PDGFRL: variants seen among roughly 807,000 people sequenced by gnomAD.
The protein encoded by PDGFRL is platelet derived growth factor receptor like.
A neutral mutation model predicts 37.2 loss-of-function variants in PDGFRL; 46 were observed. The observed-to-expected ratio is 1.24, with a 90% CI of 0.98 to 1.58. PDGFRL has a LOEUF of 1.58. PDGFRL is among the 40% of genes most tolerant of loss of function. PDGFRL has a pLI of 0.00. For missense variants in PDGFRL, 692 were observed against 467.6 expected (o/e 1.48, Z -4.43); for synonymous variants, 251 against 184.3 (o/e 1.36, Z -2.93).
At chr8:17,612,939 T>C (rs1386885061) in intron 2 of PDGFRL, among the ~76,000 whole-genome samples, 1 of 152,212 alleles carries the variant, frequency 6.6e-6, no homozygotes, top group African/African-American at 2.4e-5. Flanking sequence ...GATTAACTTT[T>C]CCCGTAATCT....
At chr8:17,582,196 T>C (rs1247833591) in intron 1 of PDGFRL, among the ~76,000 whole-genome samples, 1 of 152,116 alleles carries the variant, frequency 6.6e-6, no homozygotes, top group East Asian at 1.9e-4. Context: ...CCCTAGGGAT[T>C]TTGGAAGGCC....
chr8:17,616,321 A>G (rs1461092373), intron 2 of PDGFRL, among the ~76,000 whole-genome samples: 3 of 152,050 alleles, frequency 2.0e-5, no homozygotes, highest in Admixed American at 6.6e-5. Flanking sequence ...CAGCCTCCCC[A>G]GTAGCTGGGA....
intron 4 of PDGFRL, among the ~76,000 whole-genome samples, chr8:17,632,742 C>T (rs1271767105): frequency 1.3e-5 from 2 of 152,096 alleles, no homozygotes; most frequent in South Asian, 2.1e-4. Flanking sequence ...CTCTGTCCTC[C>T]TCCCCATCCA....
intron 5 of PDGFRL, among the ~76,000 whole-genome samples, chr8:17,641,232 C>G (rs1805085640): frequency 6.6e-6 from 1 of 152,204 alleles, no homozygotes; most frequent in African/African-American, 2.4e-5. Context: ...TTTCAGATTT[C>G]ACATCTCCTA....
chr8:17,583,898 T>C (rs1341093670), intron 1 of PDGFRL, among the ~76,000 whole-genome samples: 1 of 152,142 alleles, frequency 6.6e-6, no homozygotes, highest in East Asian at 1.9e-4. Context: ...AGATGCCCAG[T>C]CTTGAATCTT....
In PDGFRL at chr8:17,596,387, C is replaced by T. The variant is rs1461852319; in HGVS notation, c.353+6622C>T. ...AGGACCGGCCCTGCCTCCAATACCA[C>T]GTACATTTTAAACGACCTTATTCAC... is the stretch of plus-strand genomic sequence containing the variant. On this transcript the variant is annotated intron_variant, in intron 2 of 5. Transcript: ENST00000251630. The T allele has an allele frequency of 3.8e-5, 41 of 1,074,410 alleles. No homozygotes were observed. In the Admixed American group the frequency reaches 1.0e-3, roughly 27 times the overall value. 66.6% of individuals were successfully genotyped at this position (1,074,410 alleles called of 1,614,324 possible). A position where few individuals can be genotyped will look rare whatever the true frequency, so the allele number is the denominator to read the frequency against.
intron 5 of PDGFRL, among the ~76,000 whole-genome samples, chr8:17,640,400 G>C (rs1805066777): frequency 6.6e-6 from 1 of 152,048 alleles, no homozygotes; most frequent in Non-Finnish European, 1.5e-5. Context: ...TTCTTATTTG[G>C]GTAGACTATG....
chr8:17,616,093 T>G (rs1458767033), intron 2 of PDGFRL, among the ~76,000 whole-genome samples: 4 of 152,208 alleles, frequency 2.6e-5, no homozygotes, highest in African/African-American at 4.8e-5. Context: ...CTAAGGACTC[T>G]GAAGGTCATG....
chr8:17,611,861 A>G (rs1208941288), intron 2 of PDGFRL, among the ~76,000 whole-genome samples: 1 of 152,198 alleles, frequency 6.6e-6, no homozygotes, highest in South Asian at 2.1e-4. Flanking sequence ...CAGAGGAGAA[A>G]TGAGAGAGTC....
chr8:17,604,342 C>G (rs986511709), intron 2 of PDGFRL, among the ~76,000 whole-genome samples: 1 of 152,176 alleles, frequency 6.6e-6, no homozygotes, highest in African/African-American at 2.4e-5. Context: ...ACCTAAATAT[C>G]CAACAGCGAT....
At chr8:17,621,934 A>G (rs979949703) in intron 3 of PDGFRL, among the ~76,000 whole-genome samples, 5 of 151,986 alleles carry the variant, frequency 3.3e-5, no homozygotes, top group Non-Finnish European at 7.4e-5. Flanking sequence ...CGGTCTCCCA[A>G]ATTGCTGTAG....
intron 5 of PDGFRL, among the ~76,000 whole-genome samples, chr8:17,639,554 C>G (rs1458688284): frequency 6.6e-6 from 1 of 152,130 alleles, no homozygotes; most frequent in Non-Finnish European, 1.5e-5. Context: ...TTGCTGTACA[C>G]AAAATTCTTA....
chr8:17,577,494 C>T (rs1803611994), intron 1 of PDGFRL, among the ~76,000 whole-genome samples, 187 bp downstream of exon 1: 1 of 151,992 alleles, frequency 6.6e-6, no homozygotes, highest in African/African-American at 2.4e-5. Context: ...CACTCTTTGC[C>T]TGCCCGGAGA....
intron 4 of PDGFRL, among the ~76,000 whole-genome samples, chr8:17,632,274 T>C (rs1200039457): frequency 2.0e-5 from 3 of 152,202 alleles, no homozygotes; most frequent in South Asian, 2.1e-4. Context: ...CCTAGACTTA[T>C]GTGAATACCT....
chr8:17,639,321 C>A (rs1051536015), intron 5 of PDGFRL, among the ~76,000 whole-genome samples: 7 of 151,978 alleles, frequency 4.6e-5, no homozygotes, highest in African/African-American at 1.4e-4. Flanking sequence ...TGCCCGAATA[C>A]CTTGGTTTTT....
At chr8:17,630,503 TC>T (rs1014994789) in intron 4 of PDGFRL, among the ~76,000 whole-genome samples, 1 of 152,182 alleles carries the variant, frequency 6.6e-6, no homozygotes, top group African/African-American at 2.4e-5. Context: ...CATTCTGGTT[TC>T]TAAGACTGTT....
intron 2 of PDGFRL, 55 bp from the exon 3 acceptor site, chr8:17,620,996 G>A (rs1804618198): frequency 9.8e-6 from 14 of 1,430,664 alleles, no homozygotes; most frequent in Non-Finnish European, 1.2e-5. Flanking sequence ...TGTGACAGCT[G>A]GAGGGCCCCA....
In PDGFRL at chr8:17,634,113, C is replaced by G. The variant is rs1267615071; in HGVS notation, c.839C>G (p.Ser280Ter). ...GPPSTTILAS[S>*]NKVKSGDDIS... Reference sequence around the variant, plus strand: ...CCCTCAACAACCATCTTGGCTTCTTCAAACAAAGTGAAAAGTGGGGACGAC... The same window carrying G: ...CCCTCAACAACCATCTTGGCTTCTTGAAACAAAGTGAAAAGTGGGGACGAC... Residue 280 changes from serine (S) to a stop codon, truncating the protein, a stop_gained, in exon 5 of 6, where the codon TCA (serine) becomes TGA (stop). Coordinates refer to ENST00000251630, the MANE Select transcript of PDGFRL (RefSeq NM_001372073.1). LOFTEE classifies it high-confidence loss of function. 6.2e-6 allele frequency: 10 copies of G among 1,613,836 alleles called. No homozygotes were observed. Among genetic ancestry groups the G allele is most frequent in the Non-Finnish European group, 7.6e-6 (9 of 1,179,812 alleles).
At chr8:17,599,741 T>G (rs987999238) in intron 2 of PDGFRL, among the ~76,000 whole-genome samples, 1 of 152,224 alleles carries the variant, frequency 6.6e-6, no homozygotes, top group African/African-American at 2.4e-5. Context: ...TTTCAGCTAA[T>G]GAAATTATCC....
Sources: allele counts gnomAD v4.1 joint callset (sites outside exome capture counted in the v4.1 genomes callset), GRCh38; gene constraint gnomAD v4.1.1; transcripts MANE v1.5; gene names NCBI Gene and HGNC (gene_info 2026-07-23, HGNC 2026-07-21).